The following LINGO2 variants were observed in gnomAD, a reference collection of about 807,000 sequenced individuals.
LINGO2 encodes leucine-rich repeat and immunoglobulin-like domain-containing nogo receptor-interacting protein 2.
LINGO2 carries 14 observed loss-of-function variants against 30.6 expected under a neutral mutation model. The observed-to-expected ratio is 0.46, with a 90% CI of 0.30 to 0.72. LINGO2 has a LOEUF of 0.72. Ranked by LOEUF, LINGO2 falls within the 30% of genes least tolerant of loss-of-function variation. The probability of loss-of-function intolerance (pLI) is 0.07; values close to 1 mark genes in which losing one functional copy is unlikely to be tolerated. For synonymous variants in LINGO2, 317 were observed against 288.5 expected (o/e 1.10, Z -1.00); for missense variants, 729 against 751.7 (o/e 0.97, Z 0.35).
the LINGO2 span, among the ~76,000 whole-genome samples, chr9:29,187,477 A>T: frequency 1.3e-5 from 2 of 152,286 alleles, no homozygotes; most frequent in African/African-American, 4.8e-5. Context: ...CTGTCATTAA[A>T]TTTTTCAATC....
the LINGO2 span, among the ~76,000 whole-genome samples, chr9:29,133,297 G>A: frequency 8.5e-5 from 13 of 152,140 alleles, no homozygotes; most frequent in African/African-American, 2.9e-4. Flanking sequence ...GGGACAGGGA[G>A]GGATTGGGAT....
At chr9:28,470,596 C>T (rs1383675552) in intron 2 of LINGO2, among the ~76,000 whole-genome samples, 1 of 152,060 alleles carries the variant, frequency 6.6e-6, no homozygotes, top group Non-Finnish European at 1.5e-5. Context: ...TTTCAAATGG[C>T]TGAACAAATA....
At chr9:28,315,633 C>G (rs1252536623) in intron 3 of LINGO2, among the ~76,000 whole-genome samples, 1 of 152,122 alleles carries the variant, frequency 6.6e-6, no homozygotes, top group Non-Finnish European at 1.5e-5. Flanking sequence ...TGAAAGAGAT[C>G]TTAAAAGCAT....
At chr9:28,069,357 T>C (rs1170143688) in intron 4 of LINGO2, among the ~76,000 whole-genome samples, 2 of 152,150 alleles carry the variant, frequency 1.3e-5, no homozygotes, top group African/African-American at 4.8e-5. Flanking sequence ...ACTCCAAGCA[T>C]AGACATACTA....
chr9:28,231,005 C>G (rs1490422160), intron 4 of LINGO2, among the ~76,000 whole-genome samples: 2 of 151,862 alleles, frequency 1.3e-5, no homozygotes, highest in East Asian at 3.8e-4. Context: ...GCTATGACCA[C>G]TATTTATTCA....
the LINGO2 span, among the ~76,000 whole-genome samples, chr9:28,923,289 C>T: frequency 1.1e-4 from 16 of 152,272 alleles, no homozygotes; most frequent in Middle Eastern, 3.4e-3. Context: ...TTAATGAGTA[C>T]TCAAGTCAGC....
chr9:27,990,466 C>A lies in LINGO2; in HGVS notation c.-36+21889G>T, dbSNP rs375134804. Among the ~76,000 whole-genome samples, 1,017 of 118,000 alleles carry A rather than the reference C, an allele frequency of 8.6e-3. 19 individuals are homozygous for A. Among genetic ancestry groups the A allele is most frequent in the African/African-American group, 0.028 (978 of 34,810 alleles). The allele number at this position is 118,000 out of a possible 152,430, so 77.4% of individuals were successfully genotyped here. ...CATCACTTCAGTGGTCTCAATACCC[C>A]CCCCCCTTTTATTTTTAACTTCAGT... On this transcript the variant is annotated intron_variant, in intron 5 of 5. Coordinates refer to ENST00000379992, the Ensembl canonical transcript of LINGO2.
At chr9:28,408,222 A>C (rs1463966743) in intron 2 of LINGO2, among the ~76,000 whole-genome samples, 4 of 152,112 alleles carry the variant, frequency 2.6e-5, no homozygotes, top group Non-Finnish European at 1.5e-5. Flanking sequence ...TTTCATGTGG[A>C]AAGCAAGAAA....
intron 3 of LINGO2, among the ~76,000 whole-genome samples, chr9:28,308,005 C>T (rs1056714067): frequency 1.3e-5 from 2 of 151,124 alleles, no homozygotes; most frequent in African/African-American, 4.9e-5. Context: ...GCCATACTGC[C>T]CAAGGTAATT....
At chr9:28,043,274 T>TGG (rs536743763) in intron 4 of LINGO2, among the ~76,000 whole-genome samples, 1 of 152,240 alleles carries the variant, frequency 6.6e-6, no homozygotes. Context: ...AACAAGGCTC[T>TGG]GGCAAGGCCT....
At chr9:28,314,723 G>A (rs1824770390) in intron 3 of LINGO2, among the ~76,000 whole-genome samples, 1 of 152,006 alleles carries the variant, frequency 6.6e-6, no homozygotes, top group Non-Finnish European at 1.5e-5. Context: ...GGTGGCTCAC[G>A]CCTGTAATCC....
chr9:28,445,059 A>C (rs1004541632), intron 2 of LINGO2, among the ~76,000 whole-genome samples: 1 of 152,172 alleles, frequency 6.6e-6, no homozygotes, highest in East Asian at 1.9e-4. Context: ...AATTTAGCCA[A>C]AGTCACAGAG....
chr9:28,716,957 A>G, the LINGO2 span, among the ~76,000 whole-genome samples: 2 of 152,190 alleles, frequency 1.3e-5, no homozygotes, highest in East Asian at 3.9e-4. Context: ...TCATAGTGCA[A>G]ATATACATTT....
chr9:28,005,382 T>A (rs1486009677), intron 5 of LINGO2, among the ~76,000 whole-genome samples: 1 of 152,166 alleles, frequency 6.6e-6, no homozygotes, highest in Non-Finnish European at 1.5e-5. Flanking sequence ...CTGAGATGAT[T>A]TCAGAACAAA....
chr9:28,066,683 T>C (rs1825323596), intron 4 of LINGO2, among the ~76,000 whole-genome samples: 1 of 152,118 alleles, frequency 6.6e-6, no homozygotes, highest in Non-Finnish European at 1.5e-5. Flanking sequence ...CCTGCTGTTC[T>C]TTCTCCAAGA....
chr9:29,101,778 C>T, the LINGO2 span, among the ~76,000 whole-genome samples: 1 of 152,074 alleles, frequency 6.6e-6, no homozygotes, highest in Non-Finnish European at 1.5e-5. Context: ...GTATTTGTGT[C>T]TATGTGCCAC....
chr9:28,613,896 A>C (rs1312820231), intron 1 of LINGO2, among the ~76,000 whole-genome samples: 1 of 152,190 alleles, frequency 6.6e-6, no homozygotes, highest in East Asian at 1.9e-4. Flanking sequence ...ATTTGAATTG[A>C]CATTAAAAAT....
chr9:28,374,512 T>C (rs1208676210), intron 2 of LINGO2, among the ~76,000 whole-genome samples: 1 of 152,102 alleles, frequency 6.6e-6, no homozygotes, highest in Admixed American at 6.5e-5. Flanking sequence ...AACAGCTTAT[T>C]AGGTGGGTCC....
chr9:28,604,085 T>A (rs2135756626), intron 1 of LINGO2, among the ~76,000 whole-genome samples: 1 of 152,146 alleles, frequency 6.6e-6, no homozygotes, highest in African/African-American at 2.4e-5. Flanking sequence ...TTTTACAGTA[T>A]GACTTTCTAT....
Sources: allele counts gnomAD v4.1 joint callset (sites outside exome capture counted in the v4.1 genomes callset), GRCh38; gene constraint gnomAD v4.1.1; transcripts MANE v1.5; gene names NCBI Gene and HGNC (gene_info 2026-07-23, HGNC 2026-07-21).